Variants in ZNF385B observed in about 807,000 individuals in gnomAD.
ZNF385B encodes the protein zinc finger protein 385B, also known as zinc finger protein 533.
In ZNF385B, 23 loss-of-function variants were observed where a neutral mutation model predicts 39.2. The observed-to-expected ratio is 0.59, with a 90% CI of 0.42 to 0.83. The LOEUF (loss-of-function observed/expected upper bound fraction) is 0.83, where lower values mean the gene tolerates loss of function less well. Ranked by LOEUF, ZNF385B falls within the 40% of genes least tolerant of loss-of-function variation. The probability of loss-of-function intolerance (pLI) is 0.00; values close to 1 mark genes in which losing one functional copy is unlikely to be tolerated. For missense variants in ZNF385B, 552 were observed against 598.9 expected, an observed-to-expected ratio of 0.92 and a Z score of 0.82; for synonymous variants, 205 against 222.6, an observed-to-expected ratio of 0.92 and a Z score of 0.70.
At chr2:179,633,177 G>C (rs564892939) in intron 3 of ZNF385B, among the ~76,000 whole-genome samples, 6 of 152,282 alleles carry the variant, frequency 3.9e-5, no homozygotes, top group Admixed American at 2.6e-4. Flanking sequence ...AATAGAAAAA[G>C]AGGAAATCCT....
chr2:179,469,600 G>T (rs1171723493), intron 6 of ZNF385B, among the ~76,000 whole-genome samples: 1 of 152,126 alleles, frequency 6.6e-6, no homozygotes, highest in Non-Finnish European at 1.5e-5. Flanking sequence ...GTAAGTGGTG[G>T]GGTACATTTT....
chr2:179,689,823 GTGTT>G (rs766246599), intron 3 of ZNF385B, among the ~76,000 whole-genome samples: 1,580 of 40,660 alleles, frequency 0.039, 12 homozygotes, highest in Non-Finnish European at 0.052. Flanking sequence ...GTGTGTGTGT[GTGTT>G]TATTTGTTTT....
At chr2:179,709,796 G>A (rs1699870302) in intron 3 of ZNF385B, among the ~76,000 whole-genome samples, 2 of 152,128 alleles carry the variant, frequency 1.3e-5, no homozygotes, top group Non-Finnish European at 2.9e-5. Context: ...ACAGTGGCAG[G>A]GAGACTACCT....
chr2:179,805,357 A>G (rs1261281222), intron 1 of ZNF385B, among the ~76,000 whole-genome samples: 1 of 152,200 alleles, frequency 6.6e-6, no homozygotes, highest in Non-Finnish European at 1.5e-5. Flanking sequence ...ATTTTAGCCC[A>G]TAGATGTGTA....
chr2:179,719,482 C>G (rs140951138), intron 3 of ZNF385B, among the ~76,000 whole-genome samples: 2 of 152,080 alleles, frequency 1.3e-5, no homozygotes, highest in African/African-American at 4.8e-5. Context: ...TAACGGCAGA[C>G]GAAGGACAAG....
chr2:179,568,280 C>CTAA (rs1437071409), intron 3 of ZNF385B, among the ~76,000 whole-genome samples: 1 of 152,190 alleles, frequency 6.6e-6, no homozygotes, highest in Non-Finnish European at 1.5e-5. Flanking sequence ...CCCTCTATTA[C>CTAA]ACTGCTCGGT....
chr2:179,815,430 A>G (rs925765179), intron 1 of ZNF385B, among the ~76,000 whole-genome samples: 3 of 152,218 alleles, frequency 2.0e-5, no homozygotes, highest in Non-Finnish European at 4.4e-5. Context: ...CTTGAGAAGA[A>G]TGATAAAGAT....
intron 3 of ZNF385B, among the ~76,000 whole-genome samples, chr2:179,648,047 G>A (rs1035633032): frequency 1.3e-5 from 2 of 152,102 alleles, no homozygotes; most frequent in African/African-American, 4.8e-5. Context: ...GGGAGTCAGG[G>A]CCTCCAGAGG....
chr2:179,756,167 C>T, intron 3 of ZNF385B, among the ~76,000 whole-genome samples: 1 of 152,074 alleles, frequency 6.6e-6, no homozygotes, highest in African/African-American at 2.4e-5. Context: ...TCTTTTAGGG[C>T]AGGCCTGGTG....
At chr2:179,629,271 C>A (rs2222030) in intron 3 of ZNF385B, among the ~76,000 whole-genome samples, 3 of 152,008 alleles carry the variant, frequency 2.0e-5, no homozygotes, top group Non-Finnish European at 4.4e-5. Flanking sequence ...CAGATGACAC[C>A]TACAGAGTAC....
intron 3 of ZNF385B, among the ~76,000 whole-genome samples, chr2:179,728,607 A>G (rs531514026): frequency 9.9e-5 from 15 of 152,250 alleles, no homozygotes; most frequent in Admixed American, 7.2e-4. Flanking sequence ...TTTTAGCCCA[A>G]AATTTTTTAA....
chr2:179,795,158 G>A (rs1705579380), intron 1 of ZNF385B, among the ~76,000 whole-genome samples: 1 of 152,064 alleles, frequency 6.6e-6, no homozygotes, highest in Admixed American at 6.6e-5. Context: ...AAAGAAAAGA[G>A]GGGTAACTAG....
chr2:179,493,492 C>CATAT (rs146937321), intron 5 of ZNF385B, among the ~76,000 whole-genome samples: 6 of 149,440 alleles, frequency 4.0e-5, no homozygotes, highest in African/African-American at 9.8e-5. Flanking sequence ...TATGTATAAA[C>CATAT]GTGTGTGTAC....
At chr2:179,475,338 C>T (rs2053292177) in intron 6 of ZNF385B, among the ~76,000 whole-genome samples, 1 of 151,544 alleles carries the variant, frequency 6.6e-6, no homozygotes. Flanking sequence ...GCAACCTCCA[C>T]CTCCTAGGGT....
At chr2:179,476,389 A>G (rs1462249225) in intron 6 of ZNF385B, among the ~76,000 whole-genome samples, 1 of 152,238 alleles carries the variant, frequency 6.6e-6, no homozygotes, top group African/African-American at 2.4e-5. Flanking sequence ...AAAGTTTTTA[A>G]TAGTGATATA....
intron 1 of ZNF385B, among the ~76,000 whole-genome samples, chr2:179,834,832 G>A (rs972907799): frequency 6.6e-6 from 1 of 152,116 alleles, no homozygotes; most frequent in Admixed American, 6.6e-5. Context: ...TAAGCCTCCT[G>A]GTATTATATA....
chr2:179,822,033 T>C (rs1707427673), intron 1 of ZNF385B, among the ~76,000 whole-genome samples: 1 of 152,208 alleles, frequency 6.6e-6, no homozygotes, highest in South Asian at 2.1e-4. Flanking sequence ...TGTTCCTCTT[T>C]TTGAAGAAAA....
chr2:179,741,455 T>C (rs762920425), intron 3 of ZNF385B, among the ~76,000 whole-genome samples: 4 of 152,048 alleles, frequency 2.6e-5, no homozygotes, highest in Admixed American at 6.6e-5. Context: ...GATTTTGCAA[T>C]ATGGCCTGAA....
At chr2:179,560,114 T>C (rs577172632) in intron 3 of ZNF385B, among the ~76,000 whole-genome samples, 52 of 152,288 alleles carry the variant, frequency 3.4e-4, no homozygotes, top group African/African-American at 1.2e-3. Flanking sequence ...AAAATCTGAA[T>C]AATATTCTTT....
Sources: allele counts gnomAD v4.1 joint callset (sites outside exome capture counted in the v4.1 genomes callset), GRCh38; gene constraint gnomAD v4.1.1; transcripts MANE v1.5; gene names NCBI Gene and HGNC (gene_info 2026-07-23, HGNC 2026-07-21).